Variants in PALS1 observed in about 807,000 individuals in gnomAD.
PALS1 encodes protein PALS1.
In PALS1, 31 loss-of-function variants were observed where a neutral mutation model predicts 78.9. The observed-to-expected ratio is 0.39, with a 90% confidence interval of 0.30 to 0.53. The LOEUF (loss-of-function observed/expected upper bound fraction) is 0.53, where lower values mean the gene tolerates loss of function less well. Ranked by LOEUF, PALS1 falls within the 20% of genes least tolerant of loss-of-function variation. PALS1 has a pLI of 0.67. For synonymous variants in PALS1, 276 were observed against 270.9 expected, an observed-to-expected ratio of 1.02 and a Z score of -0.18; for missense variants, 704 against 826.5, an observed-to-expected ratio of 0.85 and a Z score of 1.82.
chr14:67,272,191 A>G (rs1339032826), intron 2 of PALS1: 2 of 152,170 alleles, frequency 1.3e-5, no homozygotes, highest in African/African-American at 4.8e-5. Context: ...TATGGAATTA[A>G]GGATTTGTAT....
At chr14:67,303,407 T>G in intron 7 of PALS1, 115 bp from the exon 8 acceptor site, 1 of 744,928 alleles carries the variant, frequency 1.3e-6, no homozygotes, top group Non-Finnish European at 2.3e-6. Context: ...CTGCTGGTCA[T>G]TTAAGTCTGT....
rs150388352 is a variant in PALS1 at position 67,297,443 on chromosome 14, T to C, written c.577-3946T>C. ...GGTAATTTTACTAGTTTTTTTTGTG[T>C]TTCTCAAATTTAACAGGAAAAGGTC... On this transcript the variant is annotated intron_variant, in intron 4 of 14. Coordinates refer to ENST00000261681, the MANE Select transcript of PALS1 (RefSeq NM_022474.4). Among the ~76,000 whole-genome samples the C allele has an allele frequency of 6.9e-3, 1,051 of 152,324 alleles. 17 individuals are homozygous for C. Among genetic ancestry groups the C allele is most frequent in the African/African-American group, 0.024 (1,013 of 41,560 alleles).
At chr14:67,316,127 G>A (rs1402279925) in intron 9 of PALS1, among the ~76,000 whole-genome samples, 2 of 152,148 alleles carry the variant, frequency 1.3e-5, no homozygotes, top group African/African-American at 4.8e-5. Flanking sequence ...GAACCTCAAC[G>A]TAATTCAGAA....
intron 14 of PALS1, among the ~76,000 whole-genome samples, chr14:67,328,361 C>A (rs1407986417): frequency 1.3e-5 from 2 of 152,088 alleles, no homozygotes; most frequent in Non-Finnish European, 2.9e-5. Context: ...TGTTTAAGTT[C>A]TTTGTAGATT....
At chr14:67,253,703 T>C (rs897095914) in intron 1 of PALS1, among the ~76,000 whole-genome samples, 2 of 152,046 alleles carry the variant, frequency 1.3e-5, no homozygotes, top group African/African-American at 4.8e-5. Flanking sequence ...AAAAATTAGC[T>C]GGGTTTGCAT....
intron 1 of PALS1, among the ~76,000 whole-genome samples, chr14:67,244,454 AATGAT>A (rs374743476): frequency 4.6e-5 from 7 of 152,244 alleles, no homozygotes; most frequent in African/African-American, 1.7e-4. Context: ...GTGGATGAGA[AATGAT>A]ATAATTGCTT....
intron 14 of PALS1, among the ~76,000 whole-genome samples, chr14:67,327,854 T>G (rs373574484): frequency 6.6e-6 from 1 of 152,238 alleles, no homozygotes; most frequent in African/African-American, 2.4e-5. Context: ...TTCCATGGTG[T>G]ATATGTGCCA....
intron 2 of PALS1, among the ~76,000 whole-genome samples, chr14:67,273,148 G>A (rs532536123): frequency 4.0e-5 from 6 of 151,360 alleles, no homozygotes; most frequent in Admixed American, 2.6e-4. Flanking sequence ...TTAAGTTCTA[G>A]GGTACATGTG....
intron 1 of PALS1, among the ~76,000 whole-genome samples, chr14:67,248,879 C>T (rs1173640837): frequency 1.3e-5 from 2 of 151,894 alleles, no homozygotes; most frequent in Non-Finnish European, 2.9e-5. Flanking sequence ...AGGCTGGTCT[C>T]GAACTCCATG....
intron 8 of PALS1, 108 bp from the exon 9 acceptor site, chr14:67,312,419 T>C (rs1208390046): frequency 1.3e-6 from 1 of 786,956 alleles, no homozygotes; most frequent in East Asian, 3.1e-5. Context: ...CTCTATTAAA[T>C]TTTTTTAAAA....
intron 1 of PALS1, among the ~76,000 whole-genome samples, chr14:67,256,144 A>G (rs1210504325): frequency 6.6e-6 from 1 of 152,212 alleles, no homozygotes; most frequent in Non-Finnish European, 1.5e-5. Context: ...ATAGAAGTGG[A>G]AAGTAGGGAA....
chr14:67,292,457 G>T, intron 3 of PALS1, 54 bp from the exon 4 acceptor site: 6 of 1,224,274 alleles, frequency 4.9e-6, no homozygotes, highest in Non-Finnish European at 7.1e-6. Context: ...GAAAATGCAT[G>T]TTGAATTAAT....
chr14:67,288,625 TATAAG>T (rs1157081202), intron 3 of PALS1, among the ~76,000 whole-genome samples: 1 of 152,236 alleles, frequency 6.6e-6, no homozygotes, highest in East Asian at 1.9e-4. Flanking sequence ...TTCTTTTTCT[TATAAG>T]ATATTTAAGT....
At chr14:67,317,362 T>A (rs1398222404) in intron 10 of PALS1, 46 bp from the exon 11 acceptor site, 1 of 1,472,044 alleles carries the variant, frequency 6.8e-7, no homozygotes, top group Non-Finnish European at 9.3e-7. Context: ...TATGTGGTTT[T>A]GTTCACGGGA....
At chr14:67,330,328 CTTCTT>C (rs1417604694) in intron 14 of PALS1, among the ~76,000 whole-genome samples, 1 of 151,672 alleles carries the variant, frequency 6.6e-6, no homozygotes, top group East Asian at 1.9e-4. Flanking sequence ...TTTTTAAACT[CTTCTT>C]TTCAAATGTA....
At chr14:67,275,786 C>T (rs2084493530) in intron 2 of PALS1, among the ~76,000 whole-genome samples, 1 of 152,166 alleles carries the variant, frequency 6.6e-6, no homozygotes, top group South Asian at 2.1e-4. Flanking sequence ...TTAATTATTG[C>T]CTCAATTTCA....
intron 1 of PALS1, among the ~76,000 whole-genome samples, chr14:67,249,610 G>T (rs1214991760): frequency 6.6e-6 from 1 of 152,160 alleles, no homozygotes; most frequent in Non-Finnish European, 1.5e-5. Context: ...TCAAATATTA[G>T]AAATTTTAAT....
intron 4 of PALS1, among the ~76,000 whole-genome samples, chr14:67,297,521 T>C (rs1261046481): frequency 1.3e-5 from 2 of 152,212 alleles, no homozygotes; most frequent in Non-Finnish European, 2.9e-5. Context: ...ATTGCGAATC[T>C]ACTGAAGAAT....
chr14:67,267,444 G>T (rs1340793922), intron 1 of PALS1, among the ~76,000 whole-genome samples: 2 of 151,740 alleles, frequency 1.3e-5, no homozygotes, highest in Admixed American at 6.6e-5. Context: ...AGAGATGGGG[G>T]TTCATCATGT....
Sources: gnomAD v4.1 joint callset for allele counts (sites outside exome capture counted in the v4.1 genomes callset) on GRCh38, gnomAD v4.1.1 for gene constraint, MANE v1.5 for transcripts, NCBI Gene and HGNC (gene_info 2026-07-23, HGNC 2026-07-21) for gene names.